The following GLIS3 variants were observed in gnomAD, a reference collection of about 807,000 sequenced individuals.
GLIS3 encodes the protein zinc finger protein GLIS3.
A neutral mutation model predicts 78.6 loss-of-function variants in GLIS3; 53 were observed. The observed-to-expected ratio is 0.67, with a 90% CI of 0.54 to 0.85. The LOEUF (loss-of-function observed/expected upper bound fraction) is 0.85. Among genes scored for constraint, GLIS3 ranks in the 40% least tolerant of loss-of-function variants. The probability of loss-of-function intolerance (pLI) is 0.00; values close to 1 mark genes in which losing one functional copy is unlikely to be tolerated. For synonymous variants in GLIS3, 684 were observed against 509.9 expected, an observed-to-expected ratio of 1.34 and a Z score of -4.60; for missense variants, 1,703 against 1,231.1, an observed-to-expected ratio of 1.38 and a Z score of -5.74.
intron 2 of GLIS3, among the ~76,000 whole-genome samples, chr9:4,245,677 T>C (rs968095897): frequency 6.6e-5 from 10 of 152,204 alleles, no homozygotes; most frequent in Admixed American, 3.9e-4. Context: ...TAATTTTCAA[T>C]GTTTGAGGTG....
upstream of GLIS3, among the ~76,000 whole-genome samples, chr9:4,351,844 G>A (rs909767630): frequency 1.3e-4 from 19 of 151,258 alleles, no homozygotes; most frequent in African/African-American, 4.7e-4. Context: ...CATTTTCAGA[G>A]AAAATGAATG....
intron 4 of GLIS3, among the ~76,000 whole-genome samples, chr9:4,080,078 T>C (rs997681948): frequency 1.3e-5 from 2 of 152,238 alleles, no homozygotes; most frequent in Non-Finnish European, 2.9e-5. Context: ...GGAATCTGCC[T>C]GCTTGTCAAA....
the GLIS3 span, among the ~76,000 whole-genome samples, chr9:4,358,046 C>T: frequency 6.6e-6 from 1 of 152,060 alleles, no homozygotes; most frequent in Non-Finnish European, 1.5e-5. Context: ...AGAACAGATG[C>T]CCAAGATGAG....
chr9:3,834,558 C>T (rs1818236075), intron 9 of GLIS3, among the ~76,000 whole-genome samples: 1 of 152,104 alleles, frequency 6.6e-6, no homozygotes, highest in Admixed American at 6.5e-5. Flanking sequence ...TCTGAATTCC[C>T]AGGTCTAGCC....
At chr9:3,978,824 A>G (rs1819004498) in intron 4 of GLIS3, among the ~76,000 whole-genome samples, 1 of 152,218 alleles carries the variant, frequency 6.6e-6, no homozygotes, top group African/African-American at 2.4e-5. Flanking sequence ...TCAGCACTCT[A>G]CATCCTTGAG....
At chr9:4,412,803 T>C in the GLIS3 span, among the ~76,000 whole-genome samples, 3 of 152,156 alleles carry the variant, frequency 2.0e-5, no homozygotes, top group African/African-American at 7.2e-5. Flanking sequence ...ATGTGCCATT[T>C]CCAGGCCTGG....
the GLIS3 span, among the ~76,000 whole-genome samples, chr9:4,397,626 GAAAGGAAGGAAGA>G: frequency 6.6e-4 from 89 of 135,244 alleles, 1 homozygote; most frequent in African/African-American, 1.9e-3. Context: ...AATAAAAGAA[GAAAGGAAGGAAGA>G]AAAGGAAGGA....
At chr9:4,358,515 G>C in the GLIS3 span, among the ~76,000 whole-genome samples, 1 of 152,112 alleles carries the variant, frequency 6.6e-6, no homozygotes, top group African/African-American at 2.4e-5. Context: ...AAGCATTTTT[G>C]TGTACCTACT....
chr9:4,259,615 T>C (rs1825321093), intron 2 of GLIS3, among the ~76,000 whole-genome samples: 1 of 152,188 alleles, frequency 6.6e-6, no homozygotes, highest in African/African-American at 2.4e-5. Context: ...TAAATGGGTG[T>C]GCTTTCAGTT....
At chr9:4,245,646 G>A (rs1055805211) in intron 2 of GLIS3, among the ~76,000 whole-genome samples, 10 of 152,286 alleles carry the variant, frequency 6.6e-5, no homozygotes, top group Admixed American at 6.5e-4. Context: ...CACGGAGAAA[G>A]GATTGTTTTG....
the GLIS3 span, among the ~76,000 whole-genome samples, chr9:4,481,502 AAT>A: frequency 7.2e-6 from 1 of 139,002 alleles, no homozygotes; most frequent in South Asian, 2.4e-4. Flanking sequence ...TTAATTAATT[AAT>A]TAAAAACATA....
chr9:4,390,355 C>T, the GLIS3 span, among the ~76,000 whole-genome samples: 1 of 152,000 alleles, frequency 6.6e-6, no homozygotes, highest in Non-Finnish European at 1.5e-5. Context: ...TTATATATTA[C>T]GTACTTGATA....
At chr9:4,446,271 G>A in the GLIS3 span, among the ~76,000 whole-genome samples, 1 of 152,170 alleles carries the variant, frequency 6.6e-6, no homozygotes, top group Non-Finnish European at 1.5e-5. Context: ...TTATCAAAGA[G>A]GTTGAAGGGG....
At chr9:4,362,576 T>G in the GLIS3 span, among the ~76,000 whole-genome samples, 1 of 152,210 alleles carries the variant, frequency 6.6e-6, no homozygotes, top group Non-Finnish European at 1.5e-5. Flanking sequence ...CCCTCAAAGT[T>G]GCTCATGGTC....
chr9:4,122,458 C>T (rs953667599), intron 3 of GLIS3, among the ~76,000 whole-genome samples: 12 of 152,224 alleles, frequency 7.9e-5, no homozygotes, highest in African/African-American at 2.9e-4. Context: ...CTTCTCTGAC[C>T]TTTGTGGATA....
intron 9 of GLIS3, among the ~76,000 whole-genome samples, chr9:3,844,854 C>G (rs990825458): frequency 6.6e-6 from 1 of 152,092 alleles, no homozygotes; most frequent in Non-Finnish European, 1.5e-5. Flanking sequence ...AAAATTAAAG[C>G]AAGTCACCAA....
chr9:4,203,609 T>C (rs1819597879), intron 2 of GLIS3, among the ~76,000 whole-genome samples: 1 of 152,230 alleles, frequency 6.6e-6, no homozygotes, highest in South Asian at 2.1e-4. Flanking sequence ...TCTGGGTATA[T>C]ATCCAAAAGA....
chr9:4,445,139 C>G, the GLIS3 span, among the ~76,000 whole-genome samples: 11 of 152,140 alleles, frequency 7.2e-5, no homozygotes, highest in African/African-American at 2.7e-4. Flanking sequence ...GGAGAGAAGG[C>G]ACAGGATTTG....
intron 4 of GLIS3, among the ~76,000 whole-genome samples, chr9:4,100,589 T>C (rs1428824036): frequency 6.6e-6 from 1 of 152,210 alleles, no homozygotes; most frequent in Admixed American, 6.5e-5. Context: ...AATGATTCTG[T>C]GTCAAATTCT....
Sources: gnomAD v4.1 joint callset for allele counts (sites outside exome capture counted in the v4.1 genomes callset) on GRCh38, gnomAD v4.1.1 for gene constraint, MANE v1.5 for transcripts, NCBI Gene and HGNC (gene_info 2026-07-23, HGNC 2026-07-21) for gene names.